SMTNL2: variants seen among roughly 807,000 people sequenced by gnomAD.
SMTNL2 encodes the protein smoothelin like 2.
A neutral mutation model predicts 44.1 loss-of-function variants in SMTNL2; 43 were observed. That is an observed-to-expected ratio of 0.98 (90% CI 0.76 to 1.26). The LOEUF (loss-of-function observed/expected upper bound fraction) is 1.26. Ranked by LOEUF, SMTNL2 falls within the 50% of genes most tolerant of loss-of-function variation. The probability of loss-of-function intolerance (pLI) is 0.00; values close to 1 mark genes in which losing one functional copy is unlikely to be tolerated. For synonymous variants in SMTNL2, 317 were observed against 287.6 expected, an observed-to-expected ratio of 1.10 and a Z score of -1.03; for missense variants, 646 against 670.2, an observed-to-expected ratio of 0.96 and a Z score of 0.40.
Position 4,596,907 on chromosome 17 carries a change from G to A in SMTNL2, c.1037G>A (p.Gly346Asp). 2.6e-6 allele frequency: 4 copies of A among 1,521,798 alleles called. No individual in the cohort carries two copies. The highest frequency in any genetic ancestry group is 2.5e-5 in the East Asian group (1 of 40,094). 94.3% of individuals were successfully genotyped at this position (1,521,798 alleles called of 1,614,324 possible). Residue 346 changes from glycine (G) to aspartate (D), a missense_variant, in exon 6 of 8, where the codon GGC (glycine) becomes GAC (aspartate). Physicochemically the swap from Gly to Asp is moderately conservative, Grantham distance 94. Coordinates refer to ENST00000389313, the MANE Select transcript of SMTNL2 (RefSeq NM_001114974.2). The part of the protein sequence containing the change: ...RARLKRSQSF[G>D]VASASSIKQI... ...AGGCTGAAGCGGTCGCAGAGCTTCGGCGTGGCCAGCGCCAGCAGCATCAAG... is the reference window on the plus strand; with the variant it reads ...AGGCTGAAGCGGTCGCAGAGCTTCGACGTGGCCAGCGCCAGCAGCATCAAG...
At position 4,598,368 on chromosome 17, in the gene SMTNL2, T is replaced by G. The variant is rs1296186782; in HGVS notation, c.1259+1045T>G. ...TTCGGGGCTGCCCAATGCTAAGCTC[T>G]CTGAAGCTCAGAGAGAAGTAAGGCC... On this transcript the variant is annotated intron_variant, in intron 7 of 7. Transcript: ENST00000389313. This position sits in a 1 kb window ranked among gnomAD's most constrained non-coding sequence, Gnocchi z 4.8. 6.6e-6 allele frequency among the ~76,000 whole-genome samples: 1 copy of G among 152,172 alleles called. No individual in the cohort carries two copies. The highest frequency in any genetic ancestry group is 2.4e-5 in the African/African-American group (1 of 41,428).
intron 1 of SMTNL2, among the ~76,000 whole-genome samples, chr17:4,591,809 G>T (rs1847544785): frequency 6.6e-6 from 1 of 152,230 alleles, no homozygotes; most frequent in Admixed American, 6.5e-5. Context: ...CTGCCCAGCT[G>T]GGATGGATGA....
At chr17:4,606,875 G>A (rs145445301) in intron 7 of SMTNL2, among the ~76,000 whole-genome samples, 2,666 of 152,084 alleles carry the variant, frequency 0.018, 63 homozygotes, top group African/African-American at 0.057. Flanking sequence ...GTGCCACTGC[G>A]CTCCAGCCTG....
At chr17:4,602,114 G>A (rs1008926390) in intron 7 of SMTNL2, among the ~76,000 whole-genome samples, 2 of 151,906 alleles carry the variant, frequency 1.3e-5, no homozygotes, top group East Asian at 1.9e-4. Flanking sequence ...AATACTTACC[G>A]GTTGAGCATC....
intron 7 of SMTNL2, among the ~76,000 whole-genome samples, chr17:4,601,863 AGTT>A (rs1226549006): frequency 9.9e-5 from 15 of 152,128 alleles, no homozygotes; most frequent in East Asian, 7.7e-4. Context: ...TTACAAAAGC[AGTT>A]GTTGTTTTTT....
intron 7 of SMTNL2, among the ~76,000 whole-genome samples, chr17:4,601,641 G>A (rs1396469634): frequency 2.0e-5 from 3 of 151,280 alleles, no homozygotes; most frequent in Non-Finnish European, 2.9e-5. Flanking sequence ...CTCCTGCCTC[G>A]GCCTCCCAAG....
Position 4,607,127 on chromosome 17 carries a change from G to A in SMTNL2, c.1260-234G>A, listed in dbSNP as rs1417170635. ...TTAAATAAAGTAAGTCTGTTTAAAT[G>A]AAAACATGAATTGTACAGGTGGCTC... On this transcript the variant is annotated intron_variant, in intron 7 of 7. Transcript: ENST00000389313. This position sits in a 1 kb window ranked among gnomAD's most constrained non-coding sequence, Gnocchi z 4.7. Among the ~76,000 whole-genome samples the A allele has an allele frequency of 6.6e-6, 1 of 152,126 alleles. No individual in the cohort carries two copies. The highest frequency in any genetic ancestry group is 1.5e-5 in the Non-Finnish European group (1 of 68,016).
At position 4,593,897 on chromosome 17, in the gene SMTNL2, G is replaced by A. The variant is rs1024240328; in HGVS notation, c.806G>A (p.Ser269Asn). Residue 269 changes from serine to asparagine, a missense_variant and splice_region_variant, in exon 4 of 8, where the codon AGC becomes AAC. Coordinates refer to ENST00000389313, the MANE Select transcript of SMTNL2 (RefSeq NM_001114974.2). ...GAVTASKHSN[S>N]PPLVTPPQSP... ...GTGACAGCAAGCAAACACAGCAATA[G>A]GTGAGTCAGGGCCTGTGTTCCTGTG... The A allele has an allele frequency of 1.2e-6, 2 of 1,613,992 alleles. No homozygotes were observed. Among genetic ancestry groups the A allele is most frequent in the Non-Finnish European group, 1.7e-6 (2 of 1,179,960 alleles).
At chr17:4,593,783 G>A in intron 3 of SMTNL2, 39 bp from the exon 4 acceptor site, 14 of 1,602,986 alleles carry the variant, frequency 8.7e-6, no homozygotes, top group Non-Finnish European at 1.2e-5. Flanking sequence ...CCCTCCCTGG[G>A]GCCAGGGTTT....
chr17:4,592,854 G>C lies in SMTNL2; in HGVS notation c.488-75G>C, dbSNP rs1909635898. 5.2e-6 allele frequency: 8 copies of C among 1,544,608 alleles called. No individual in the cohort carries two copies. The highest frequency in any genetic ancestry group is 6.1e-6 in the Non-Finnish European group (7 of 1,142,244). Reference sequence around the variant, plus strand: ...GTGGGAGGAGGGCCCAGGGAGGCTAGAGCCCTCCTGGGAGGTCCCAGGCCC... The same window carrying C: ...GTGGGAGGAGGGCCCAGGGAGGCTACAGCCCTCCTGGGAGGTCCCAGGCCC... On this transcript the variant is annotated intron_variant, in intron 2 of 7. Coordinates refer to ENST00000389313, the MANE Select transcript of SMTNL2 (RefSeq NM_001114974.2). The surrounding 1 kb of genome is among the most constrained non-coding windows in gnomAD (Gnocchi z 4.5).
rs200047727 is a variant in SMTNL2 at position 4,597,322 on chromosome 17, G to A, written c.1258G>A (p.Glu420Lys). 45 of 1,613,738 alleles carry A rather than the reference G, an allele frequency of 2.8e-5. No individual in the cohort carries two copies. Among genetic ancestry groups the A allele is most frequent in the African/African-American group, 1.3e-4 (10 of 75,052 alleles). ...CTTCGAGCTGGCTTTCACCATGGCCGAGTGAGTATGGTGGCTCCTGCTGGC... is the reference window on the plus strand; with the variant it reads ...CTTCGAGCTGGCTTTCACCATGGCCAAGTGAGTATGGTGGCTCCTGCTGGC... ...KNFELAFTMA[E>K]NLANCERLIE... The change falls in exon 7 of 8, where the codon GAG (glutamate) becomes AAG (lysine). Residue 420 changes from glutamate to lysine, a missense_variant and splice_region_variant. Glu to Lys is a moderately conservative substitution (Grantham distance 56, BLOSUM62 1). Transcript: ENST00000389313.
Position 4,588,260 on chromosome 17 carries a change from A to G in SMTNL2, c.399+3256A>G, listed in dbSNP as rs559386066. ...TCAGGCAGCACCCAGAAGGCCTGAA[A>G]TATTCTTCCTTCCCCTACAAAAATG... On this transcript the variant is annotated intron_variant, in intron 1 of 7. Coordinates refer to ENST00000389313, the MANE Select transcript of SMTNL2 (RefSeq NM_001114974.2). Among the ~76,000 whole-genome samples, 6 of 152,290 alleles carry G rather than the reference A, an allele frequency of 3.9e-5. No individual in the cohort carries two copies. In the South Asian group the frequency reaches 1.2e-3, roughly 32 times the overall value.
chr17:4,605,589 A>G (rs1480583277), intron 7 of SMTNL2, among the ~76,000 whole-genome samples: 1 of 152,208 alleles, frequency 6.6e-6, no homozygotes, highest in Admixed American at 6.5e-5. Context: ...TGAAGCCCGG[A>G]GAAATGAAGT....
At chr17:4,599,935 A>C (rs182556576) in intron 7 of SMTNL2, among the ~76,000 whole-genome samples, 1,652 of 152,328 alleles carry the variant, frequency 0.011, 28 homozygotes, top group Admixed American at 0.042. Flanking sequence ...GGCCTGCTCC[A>C]GCTGTGGAGG....
At position 4,584,615 on chromosome 17, in the gene SMTNL2, GC is replaced by G. The variant is rs1352739588; in HGVS notation, c.15del (p.Asp6ThrfsTer72). MEP[A>X]PDAQEARTVR... The stretch of plus-strand genomic sequence containing the variant: ...CGCGCTCTGCTGGGCCATGGAGCCG[GC>G]CCCCGACGCCCAGGAGGCGCGCACT... On this transcript the variant is annotated frameshift_variant, in exon 1 of 8. Transcript: ENST00000389313. LOFTEE classifies it high-confidence loss of function. 1.4e-5 allele frequency: 17 copies of G among 1,242,716 alleles called. No homozygotes were observed. The highest frequency in any genetic ancestry group is 1.3e-4 in the South Asian group (4 of 30,514). 77.0% of individuals were successfully genotyped at this position (1,242,716 alleles called of 1,614,324 possible).
At chr17:4,586,581 C>CCA in intron 1 of SMTNL2, among the ~76,000 whole-genome samples, 1 of 151,686 alleles carries the variant, frequency 6.6e-6, no homozygotes, top group East Asian at 1.9e-4. Flanking sequence ...TGGAGATTAG[C>CCA]CATTGTTCAC....
intron 1 of SMTNL2, 50 bp downstream of exon 1, chr17:4,585,054 C>T (rs1398381352): frequency 1.6e-6 from 2 of 1,289,068 alleles, no homozygotes; most frequent in Admixed American, 4.3e-5. Flanking sequence ...GGGCTCCGAA[C>T]CGGGTGCCGC....
At position 4,607,679 on chromosome 17, in the gene SMTNL2, C is replaced by A; in HGVS notation, c.*192C>A. 3 of 856,206 alleles carry A rather than the reference C, an allele frequency of 3.5e-6. No individual in the cohort carries two copies. Among genetic ancestry groups the A allele is most frequent in the Non-Finnish European group, 5.1e-6 (3 of 588,284 alleles). 53.0% of individuals were successfully genotyped at this position (856,206 alleles called of 1,614,324 possible). A position where few individuals can be genotyped will look rare whatever the true frequency, so the allele number is the denominator to read the frequency against. ...TTAAAAGTACTGCTGAGCTGTGGTC[C>A]GACAGCACTGATCACAGCCAAGGGC... On this transcript the variant is annotated 3_prime_UTR_variant, in exon 8 of 8. Transcript: ENST00000389313. This position sits in a 1 kb window ranked among gnomAD's most constrained non-coding sequence, Gnocchi z 4.7.
At chr17:4,605,438 G>C (rs1299517204) in intron 7 of SMTNL2, among the ~76,000 whole-genome samples, 1 of 152,156 alleles carries the variant, frequency 6.6e-6, no homozygotes, top group Non-Finnish European at 1.5e-5. Flanking sequence ...TGGGATGACA[G>C]GCATGAGCCA....
Sources: allele counts gnomAD v4.1 joint callset (sites outside exome capture counted in the v4.1 genomes callset), GRCh38; gene constraint gnomAD v4.1.1; non-coding constraint Gnocchi (gnomAD v3.1); transcripts MANE v1.5; gene names NCBI Gene and HGNC (gene_info 2026-07-23, HGNC 2026-07-21).